CCDC7: variants seen among roughly 807,000 people sequenced by gnomAD.
CCDC7 encodes the protein coiled-coil domain-containing protein 7.
A neutral mutation model predicts 196.9 loss-of-function variants in CCDC7; 183 were observed. The observed-to-expected ratio is 0.93, with a 90% CI of 0.82 to 1.05. CCDC7 has a LOEUF of 1.05. Ranked by LOEUF, CCDC7 falls within the 50% of genes least tolerant of loss-of-function variation. The pLI is 0.00. For missense variants in CCDC7, 1,540 were observed against 1,482.2 expected (o/e 1.04, Z -0.64); for synonymous variants, 525 against 484.6 (o/e 1.08, Z -1.10).
At chr10:32,516,151 T>A (rs984324045) in intron 9 of CCDC7, among the ~76,000 whole-genome samples, 1 of 151,992 alleles carries the variant, frequency 6.6e-6, no homozygotes, top group South Asian at 2.1e-4. Flanking sequence ...TATAAAGAAC[T>A]CTTATACCTC....
chr10:32,537,388 T>G (rs1445321028), intron 11 of CCDC7, among the ~76,000 whole-genome samples: 1 of 152,228 alleles, frequency 6.6e-6, no homozygotes, highest in Non-Finnish European at 1.5e-5. Context: ...TTATAGATTC[T>G]GGATATAACA....
Position 32,812,989 on chromosome 10 carries a change from G to T in CCDC7, c.3098-1381G>T, listed in dbSNP as rs569586485. ...TTATGGATCACTTTTTACTTTGGTA[G>T]TGAGGCAGTGCTCAGTATAGAATGC... On this transcript the variant is annotated intron_variant, in intron 30 of 41. Transcript: ENST00000639629. Among the ~76,000 whole-genome samples, 23 of 152,276 alleles carry T rather than the reference G, an allele frequency of 1.5e-4. No individual in the cohort carries two copies. The East Asian group carries it at 4.4e-3, about 29-fold the overall frequency.
chr10:32,484,090 A>G (rs1184618646), intron 8 of CCDC7, among the ~76,000 whole-genome samples: 2 of 152,196 alleles, frequency 1.3e-5, no homozygotes, highest in African/African-American at 4.8e-5. Flanking sequence ...CTTGGGCAGT[A>G]TGGCCATTTT....
At position 32,753,022 on chromosome 10, in the gene CCDC7, C is replaced by T. The variant is rs570711677; in HGVS notation, c.2905+23565C>T. Among the ~76,000 whole-genome samples the T allele has an allele frequency of 5.9e-5, 9 of 152,240 alleles. No homozygotes were observed. In the South Asian group the frequency reaches 1.7e-3, roughly 28 times the overall value. ...CTATGCAATTTAATATGGGAAATTA[C>T]TAGCTTAATAAAATGAAGAAGGGAA... is the stretch of plus-strand genomic sequence containing the variant. On this transcript the variant is annotated intron_variant, in intron 28 of 41. Transcript: ENST00000639629.
intron 9 of CCDC7, chr10:32,514,438 C>T (rs2046715057): frequency 6.6e-6 from 1 of 152,174 alleles, no homozygotes; most frequent in Non-Finnish European, 1.5e-5. Flanking sequence ...TGCCACAATC[C>T]AAAGAATGCC....
chr10:32,470,757 CTT>C (rs1406359158), intron 5 of CCDC7, among the ~76,000 whole-genome samples: 1 of 152,006 alleles, frequency 6.6e-6, no homozygotes, highest in Non-Finnish European at 1.5e-5. Flanking sequence ...TAGAATGACT[CTT>C]GTAAATATTT....
chr10:32,793,071 C>A, intron 29 of CCDC7, among the ~76,000 whole-genome samples: 1 of 151,978 alleles, frequency 6.6e-6, no homozygotes, highest in East Asian at 1.9e-4. Context: ...AAAAATACAC[C>A]TTCTTCTTAT....
chr10:32,638,488 C>G (rs2066086709), intron 20 of CCDC7, among the ~76,000 whole-genome samples: 1 of 152,148 alleles, frequency 6.6e-6, no homozygotes. Flanking sequence ...TTGAGATAAT[C>G]ATGTGGTTTT....
intron 9 of CCDC7, among the ~76,000 whole-genome samples, chr10:32,497,824 A>C (rs1185829018): frequency 1.3e-5 from 2 of 152,160 alleles, no homozygotes; most frequent in African/African-American, 2.4e-5. Context: ...TTTGTGGTCA[A>C]TTTTAGAATA....
chr10:32,843,264 A>G (rs1166974779), intron 33 of CCDC7, among the ~76,000 whole-genome samples: 1 of 70,594 alleles, frequency 1.4e-5, no homozygotes, highest in African/African-American at 2.9e-5. Flanking sequence ...TATTATATAA[A>G]TAATTAATCA....
intron 24 of CCDC7, among the ~76,000 whole-genome samples, chr10:32,705,282 G>T (rs994729363): frequency 6.6e-6 from 1 of 151,950 alleles, no homozygotes; most frequent in African/African-American, 2.4e-5. Context: ...AGATTTTGTC[G>T]CCACCAGGCC....
At chr10:32,630,813 G>T (rs778791443) in intron 18 of CCDC7, among the ~76,000 whole-genome samples, 1 of 152,112 alleles carries the variant, frequency 6.6e-6, no homozygotes, top group Admixed American at 6.6e-5. Context: ...TTTATATGCT[G>T]TGTCAGTTAG....
At chr10:32,659,430 G>A (rs1415324108) in intron 20 of CCDC7, among the ~76,000 whole-genome samples, 1 of 152,106 alleles carries the variant, frequency 6.6e-6, no homozygotes, top group East Asian at 1.9e-4. Context: ...AATTTGTTAA[G>A]ACTTATTTTA....
chr10:32,543,750 T>C (rs897079831), intron 12 of CCDC7, among the ~76,000 whole-genome samples: 6 of 152,098 alleles, frequency 3.9e-5, no homozygotes, highest in Non-Finnish European at 8.8e-5. Context: ...ACTGTACTTA[T>C]TAATTGTATT....
At chr10:32,683,760 A>G (rs1322666345) in intron 21 of CCDC7, among the ~76,000 whole-genome samples, 1 of 152,090 alleles carries the variant, frequency 6.6e-6, no homozygotes, top group East Asian at 1.9e-4. Context: ...TGGGAATTCC[A>G]CCCCAGAGAA....
chr10:32,694,447 TTCTA>T (rs1340665140), intron 23 of CCDC7, among the ~76,000 whole-genome samples: 1 of 152,248 alleles, frequency 6.6e-6, no homozygotes, highest in Non-Finnish European at 1.5e-5. Context: ...GTTTCCAAGA[TTCTA>T]TCAATGACAT....
chr10:32,707,355 G>A lies in CCDC7; in HGVS notation c.2459-4265G>A, dbSNP rs1037393025. On this transcript the variant is annotated intron_variant, in intron 24 of 41. Coordinates refer to ENST00000639629, the Ensembl canonical transcript of CCDC7. ...AAGAGCTCTCTATGACAAACCCACA[G>A]CCAATATCATACTGAGTGGGCAAAA... Among the ~76,000 whole-genome samples the A allele has an allele frequency of 5.2e-4, 79 of 152,110 alleles. 3 individuals are homozygous for A. Among genetic ancestry groups the A allele is most frequent in the Non-Finnish European group, 4.4e-5 (3 of 68,036 alleles).
rs1404689505 is a variant in CCDC7, at chr10:32,636,946, C to T, written c.2014+1788C>T. Among the ~76,000 whole-genome samples the T allele has an allele frequency of 1.1e-4, 16 of 152,044 alleles. 1 individual carries two copies. Among genetic ancestry groups the T allele is most frequent in the Admixed American group, 9.2e-4 (14 of 15,260 alleles). On this transcript the variant is annotated intron_variant, in intron 20 of 41. Coordinates refer to ENST00000639629, the Ensembl canonical transcript of CCDC7. ...CTAACTGGTGTGAGATGGTATCTCA[C>T]TGTGGTTTTGATTTGCATTTCTCTG...
intron 21 of CCDC7, among the ~76,000 whole-genome samples, chr10:32,665,385 C>G (rs2072435259): frequency 6.6e-6 from 1 of 151,826 alleles, no homozygotes; most frequent in South Asian, 2.1e-4. Context: ...AATCTTTGCC[C>G]AGATCAACAT....
Sources: gnomAD v4.1 joint callset for allele counts (sites outside exome capture counted in the v4.1 genomes callset) on GRCh38, gnomAD v4.1.1 for gene constraint, MANE v1.5 for transcripts, NCBI Gene and HGNC (gene_info 2026-07-23, HGNC 2026-07-21) for gene names.